SLC15A2: variants seen among roughly 807,000 people sequenced by gnomAD.
The protein encoded by SLC15A2 is kidney H(+)/peptide cotransporter.
A neutral mutation model predicts 95.5 loss-of-function variants in SLC15A2; 77 were observed. The ratio of observed to expected loss-of-function variants is 0.81; its 90% CI spans 0.67 to 0.97. The LOEUF is 0.97. SLC15A2 is among the 50% of genes least tolerant of loss of function. SLC15A2 has a pLI of 0.00. For missense variants in SLC15A2, 893 were observed against 874.4 expected, an observed-to-expected ratio of 1.02 and a Z score of -0.27; for synonymous variants, 306 against 306.9, an observed-to-expected ratio of 1.00 and a Z score of 0.03.
chr3:121,912,395 G>A (rs922237690), intron 4 of SLC15A2, among the ~76,000 whole-genome samples: 14 of 152,002 alleles, frequency 9.2e-5, no homozygotes, highest in African/African-American at 2.4e-4. Flanking sequence ...CACCACGCCC[G>A]GCTAATTTGT....
intron 3 of SLC15A2, 115 bp from the exon 4 acceptor site, chr3:121,911,459 C>A: frequency 1.5e-6 from 1 of 650,516 alleles, no homozygotes; most frequent in Admixed American, 2.5e-5. Context: ...CTTTCCTCCT[C>A]CCTCCTCCTC....
Position 121,928,967 on chromosome 3 carries a change from T to G in SLC15A2, c.1342-15T>G, listed in dbSNP as rs764506672. ...AGGTGTACGTGACCTTCATTTTATA[T>G]TCTTCATTTTACAGAAAACACCACA... On this transcript the variant is annotated splice_polypyrimidine_tract_variant and intron_variant, in intron 15 of 21. Transcript: ENST00000489711. 1 of 1,612,724 alleles carries G rather than the reference T, an allele frequency of 6.2e-7. No homozygotes were observed.
At chr3:121,918,098 T>C (rs1455408169) in intron 7 of SLC15A2, among the ~76,000 whole-genome samples, 2 of 152,172 alleles carry the variant, frequency 1.3e-5, no homozygotes, top group Admixed American at 6.5e-5. Flanking sequence ...GAGAAAGGAT[T>C]GTGTTGGAGT....
At chr3:121,929,720 T>C (rs1710195308) in intron 17 of SLC15A2, among the ~76,000 whole-genome samples, 1 of 152,190 alleles carries the variant, frequency 6.6e-6, no homozygotes, top group Admixed American at 6.5e-5. Context: ...ATATATATCT[T>C]TTAAAGTATA....
At chr3:121,910,384 A>C (rs1333089388) in intron 3 of SLC15A2, among the ~76,000 whole-genome samples, 2 of 152,040 alleles carry the variant, frequency 1.3e-5, no homozygotes, top group African/African-American at 4.8e-5. Context: ...TTTGGTAGAC[A>C]CAGGGTTTCA....
chr3:121,931,773 T>C (rs772540097), intron 19 of SLC15A2, 38 bp downstream of exon 19: 3 of 1,199,362 alleles, frequency 2.5e-6, no homozygotes, highest in Middle Eastern at 1.9e-4. Context: ...CCTCTCTCCA[T>C]ATACATATAT....
Position 121,922,284 on chromosome 3 carries a change from A to C in SLC15A2, c.762A>C (p.Gln254His), listed in dbSNP as rs759084329. The change falls in exon 8 of 22, where the codon CAA (glutamine) becomes CAC (histidine). Residue 254 changes from glutamine to histidine, a missense_variant. Coordinates refer to ENST00000489711, the MANE Select transcript of SLC15A2 (RefSeq NM_021082.4). Reference sequence around the variant, plus strand: ...CCCCTGAAGGAAACATAGTGGCTCAAGTTTTCAAATGTATCTGGGTAAGTC... The same window carrying C: ...CCCCTGAAGGAAACATAGTGGCTCACGTTTTCAAATGTATCTGGGTAAGTC... The part of the protein sequence containing the change: ...KPPPEGNIVA[Q>H]VFKCIWFAIS... 2 of 1,613,882 alleles carry C rather than the reference A, an allele frequency of 1.2e-6. No individual in the cohort carries two copies. The highest frequency in any genetic ancestry group is 1.7e-6 in the Non-Finnish European group (2 of 1,179,816).
chr3:121,938,659 A>T (rs1710399596), intron 19 of SLC15A2, among the ~76,000 whole-genome samples: 1 of 152,086 alleles, frequency 6.6e-6, no homozygotes, highest in Admixed American at 6.6e-5. Context: ...ACCTGCGCCC[A>T]CTGTCTGGCA....
Position 121,940,899 on chromosome 3 carries a change from C to A in SLC15A2, c.2082C>A (p.Tyr694Ter). 1 of 1,614,168 alleles carries A rather than the reference C, an allele frequency of 6.2e-7. No homozygotes were observed. The highest frequency in any genetic ancestry group is 8.5e-7 in the Non-Finnish European group (1 of 1,180,026). ...VICLIFSIMG[Y>*]YYVPVKTEDM... The stretch of plus-strand genomic sequence containing the variant: ...GCCTGATCTTCTCCATCATGGGCTA[C>A]TACTATGTTCCTGTAAAGACAGAGG... Residue 694 changes from tyrosine to a stop codon, truncating the protein, a stop_gained, in exon 22 of 22, where the codon TAC becomes TAA. Coordinates refer to ENST00000489711, the MANE Select transcript of SLC15A2 (RefSeq NM_021082.4). LOFTEE classifies it high-confidence loss of function.
chr3:121,898,266 A>C (rs1474760401), intron 3 of SLC15A2, among the ~76,000 whole-genome samples: 7 of 151,724 alleles, frequency 4.6e-5, no homozygotes, highest in Admixed American at 4.6e-4. Context: ...GGATCTTCTT[A>C]TGAGTGTCTC....
intron 19 of SLC15A2, among the ~76,000 whole-genome samples, chr3:121,935,488 C>T (rs1044619093): frequency 5.3e-5 from 8 of 152,148 alleles, no homozygotes; most frequent in African/African-American, 1.9e-4. Context: ...CTGGTTTAGT[C>T]TTGGGAGGGT....
At chr3:121,911,801 T>C in intron 4 of SLC15A2, 135 bp downstream of exon 4, 1 of 656,794 alleles carries the variant, frequency 1.5e-6, no homozygotes, top group South Asian at 1.8e-5. Flanking sequence ...AAAAACAGTC[T>C]TATGACCAGT....
rs751631077 is a variant in SLC15A2, at chr3:121,897,445, C to T, written c.251C>T (p.Ser84Phe). ...CACTGGAATGAAGATACCTCCACATCTATATACCATGCCTTCAGCAGCCTC... is the reference window on the plus strand; with the variant it reads ...CACTGGAATGAAGATACCTCCACATTTATATACCATGCCTTCAGCAGCCTC... The part of the protein sequence containing the change: ...FLHWNEDTST[S>F]IYHAFSSLCY... The change falls in exon 3 of 22, where the codon TCT becomes TTT. Residue 84 changes from serine (S) to phenylalanine (F), a missense_variant. Physicochemically the swap from Ser to Phe is radical, Grantham distance 155. Transcript: ENST00000489711. The T allele has an allele frequency of 2.2e-5, 36 of 1,613,946 alleles. No individual in the cohort carries two copies. Among genetic ancestry groups the T allele is most frequent in the Non-Finnish European group, 3.1e-5 (36 of 1,180,004 alleles).
intron 11 of SLC15A2, among the ~76,000 whole-genome samples, chr3:121,923,986 A>G (rs1710060820): frequency 6.6e-6 from 1 of 152,188 alleles, no homozygotes; most frequent in Non-Finnish European, 1.5e-5. Context: ...ACTATGTGTC[A>G]GGGAGAGTCT....
chr3:121,917,629 G>A (rs1267430788), intron 7 of SLC15A2, among the ~76,000 whole-genome samples: 1 of 152,044 alleles, frequency 6.6e-6, no homozygotes, highest in African/African-American at 2.4e-5. Context: ...TCAAGGCTGC[G>A]ATGAGCCATG....
At chr3:121,940,578 C>A in intron 21 of SLC15A2, 90 bp downstream of exon 21, 1 of 1,088,110 alleles carries the variant, frequency 9.2e-7, no homozygotes. Flanking sequence ...CTGCTTCCCA[C>A]ATTCCCCATT....
intron 19 of SLC15A2, among the ~76,000 whole-genome samples, chr3:121,936,107 G>T (rs1466788714): frequency 1.3e-5 from 2 of 151,992 alleles, no homozygotes; most frequent in East Asian, 1.9e-4. Flanking sequence ...AGTTCTAGTT[G>T]GATTGAACTG....
chr3:121,917,252 C>T (rs1304838288), intron 7 of SLC15A2, among the ~76,000 whole-genome samples: 1 of 152,104 alleles, frequency 6.6e-6, no homozygotes, highest in African/African-American at 2.4e-5. Flanking sequence ...TCCCAAAGAA[C>T]TTATATAGTT....
rs906732174 is a variant in SLC15A2 at position 121,943,383 on chromosome 3, G to C, written c.*2376G>C. The C allele has an allele frequency of 6.6e-6, 1 of 151,970 alleles. No homozygotes were observed. The highest frequency in any genetic ancestry group is 1.5e-5 in the Non-Finnish European group (1 of 68,002). The allele number at this position is 151,970 out of a possible 1,614,324, so 9.4% of individuals were successfully genotyped here. ...TCAAGTATTCAAGGTAAAGATTCTC[G>C]GTTCCTGTAATGGTTCCTCACCAGG... On this transcript the variant is annotated 3_prime_UTR_variant, in exon 22 of 22. Coordinates refer to ENST00000489711, the MANE Select transcript of SLC15A2 (RefSeq NM_021082.4).
Sources: allele counts gnomAD v4.1 joint callset (sites outside exome capture counted in the v4.1 genomes callset), GRCh38; gene constraint gnomAD v4.1.1; transcripts MANE v1.5; gene names NCBI Gene and HGNC (gene_info 2026-07-23, HGNC 2026-07-21).